NALF1: variants seen among roughly 807,000 people sequenced by gnomAD.
NALF1 encodes family with sequence similarity 155 member A.
In NALF1, 3 loss-of-function variants were observed where a neutral mutation model predicts 48.4. The ratio of observed to expected loss-of-function variants is 0.06; its 90% CI spans 0.03 to 0.16. NALF1 has a LOEUF of 0.16. Among genes scored for constraint, NALF1 ranks in the 10% least tolerant of loss-of-function variants. The probability of loss-of-function intolerance (pLI) is 1.00; values close to 1 mark genes in which losing one functional copy is unlikely to be tolerated. For missense variants in NALF1, 526 were observed against 571.5 expected, an observed-to-expected ratio of 0.92 and a Z score of 0.81; for synonymous variants, 262 against 245.7, an observed-to-expected ratio of 1.07 and a Z score of -0.62.
chr13:107,771,172 G>A (rs888291403), intron 1 of NALF1, among the ~76,000 whole-genome samples: 8 of 151,986 alleles, frequency 5.3e-5, no homozygotes, highest in African/African-American at 1.9e-4. Flanking sequence ...AAAATTAACA[G>A]AACTTTTAAA....
intron 1 of NALF1, among the ~76,000 whole-genome samples, chr13:107,820,003 A>G (rs1242289625): frequency 6.6e-6 from 1 of 152,192 alleles, no homozygotes; most frequent in African/African-American, 2.4e-5. Flanking sequence ...TCCTGAAGAC[A>G]AAGATTACAG....
chr13:107,502,678 T>C (rs979356172), intron 1 of NALF1, among the ~76,000 whole-genome samples: 3 of 152,174 alleles, frequency 2.0e-5, no homozygotes, highest in Admixed American at 6.5e-5. Flanking sequence ...AGATATTACA[T>C]ATTTTTTCAG....
chr13:107,809,752 C>T (rs1167080307), intron 1 of NALF1, among the ~76,000 whole-genome samples: 3 of 152,048 alleles, frequency 2.0e-5, no homozygotes, highest in Non-Finnish European at 2.9e-5. Flanking sequence ...CCAGATAGAA[C>T]GTTCACTATA....
At chr13:107,265,363 C>T (rs1437102195) in intron 1 of NALF1, among the ~76,000 whole-genome samples, 2 of 151,982 alleles carry the variant, frequency 1.3e-5, no homozygotes, top group Non-Finnish European at 2.9e-5. Context: ...ATTTAACTGC[C>T]AAATGTAAAG....
At chr13:107,734,371 G>A (rs1245742131) in intron 1 of NALF1, among the ~76,000 whole-genome samples, 1 of 139,160 alleles carries the variant, frequency 7.2e-6, no homozygotes, top group Non-Finnish European at 1.6e-5. Flanking sequence ...TTGCACTGAG[G>A]CAAGAGAAAA....
At chr13:107,747,203 G>A (rs1278410070) in intron 1 of NALF1, among the ~76,000 whole-genome samples, 1 of 152,148 alleles carries the variant, frequency 6.6e-6, no homozygotes, top group Non-Finnish European at 1.5e-5. Context: ...CTTGAGCCCT[G>A]TTTCCTTGCA....
chr13:107,813,218 T>C (rs1468825183), intron 1 of NALF1, among the ~76,000 whole-genome samples: 1 of 152,170 alleles, frequency 6.6e-6, no homozygotes, highest in African/African-American at 2.4e-5. Context: ...ATATGTGTCA[T>C]TTCCCCATAG....
At chr13:107,311,511 T>C (rs1026660901) in intron 1 of NALF1, among the ~76,000 whole-genome samples, 2 of 151,512 alleles carry the variant, frequency 1.3e-5, no homozygotes, top group Admixed American at 6.6e-5. Flanking sequence ...ACAAAAGGGT[T>C]TTCTTAACAC....
intron 1 of NALF1, among the ~76,000 whole-genome samples, chr13:107,766,351 T>C (rs1469933648): frequency 5.9e-5 from 9 of 152,118 alleles, no homozygotes; most frequent in Non-Finnish European, 1.3e-4. Flanking sequence ...AAATAACCGA[T>C]AACAATGTGC....
chr13:107,176,336 T>C (rs1878929031), intron 2 of NALF1, among the ~76,000 whole-genome samples: 1 of 149,024 alleles, frequency 6.7e-6, no homozygotes, highest in African/African-American at 2.5e-5. Context: ...TTTTTTTTTT[T>C]TTTGAGAATT....
chr13:107,575,263 C>A (rs887274532), intron 1 of NALF1, among the ~76,000 whole-genome samples: 5 of 152,132 alleles, frequency 3.3e-5, no homozygotes, highest in African/African-American at 1.2e-4. Context: ...AGAACAGAAT[C>A]TTAGACAAAG....
intron 1 of NALF1, among the ~76,000 whole-genome samples, chr13:107,751,070 A>C (rs185314902): frequency 3.1e-4 from 48 of 152,384 alleles, no homozygotes; most frequent in African/African-American, 1.1e-3. Context: ...GCTATTAAGC[A>C]TATTAAAGCA....
intron 1 of NALF1, among the ~76,000 whole-genome samples, chr13:107,752,324 C>T (rs1385825869): frequency 6.6e-6 from 1 of 151,932 alleles, no homozygotes; most frequent in Non-Finnish European, 1.5e-5. Flanking sequence ...CTCAGAATTC[C>T]TTTTTGAAAT....
chr13:107,177,996 G>A (rs1878973722), intron 2 of NALF1, among the ~76,000 whole-genome samples: 2 of 152,178 alleles, frequency 1.3e-5, no homozygotes, highest in Middle Eastern at 3.4e-3. Context: ...GCAGTGAGTC[G>A]AGATTGTGCC....
Position 107,236,663 on chromosome 13 carries a change from ATCTGTCTG to A in NALF1, c.916-25916_916-25909del, listed in dbSNP as rs199721704. Among the ~76,000 whole-genome samples, 4 of 138,136 alleles carry A rather than the reference ATCTGTCTG, an allele frequency of 2.9e-5. No homozygotes were observed. In the South Asian group the frequency reaches 7.3e-4, roughly 25 times the overall value. The allele number at this position is 138,136 out of a possible 152,430, so 90.6% of individuals were successfully genotyped here. ...TAATTATGGCACTATCTATCTATCC[ATCTGTCTG>A]TCTATCTATCTATCTATCTATCTAT... On this transcript the variant is annotated intron_variant, in intron 1 of 2. Coordinates refer to ENST00000375915, the MANE Select transcript of NALF1 (RefSeq NM_001080396.3).
chr13:107,732,958 G>A (rs189095013), intron 1 of NALF1, among the ~76,000 whole-genome samples: 3 of 152,246 alleles, frequency 2.0e-5, no homozygotes, highest in African/African-American at 4.8e-5. Flanking sequence ...TTCAGAAAAA[G>A]GTAAGAGGTT....
intron 1 of NALF1, among the ~76,000 whole-genome samples, chr13:107,598,246 AT>A (rs1878813009): frequency 6.6e-6 from 1 of 152,118 alleles, no homozygotes; most frequent in Non-Finnish European, 1.5e-5. Context: ...TTGAGCACCA[AT>A]CCCTCTTGGT....
intron 1 of NALF1, among the ~76,000 whole-genome samples, chr13:107,389,876 C>A (rs1298330302): frequency 6.6e-6 from 1 of 152,076 alleles, no homozygotes; most frequent in African/African-American, 2.4e-5. Context: ...ACAGTTACTG[C>A]AAAAAATTAA....
intron 1 of NALF1, among the ~76,000 whole-genome samples, chr13:107,510,627 T>C (rs571312607): frequency 6.6e-6 from 1 of 152,258 alleles, no homozygotes; most frequent in African/African-American, 2.4e-5. Context: ...ATCAAAATAG[T>C]TGAGAAAGTA....
Sources: gnomAD v4.1 joint callset for allele counts (sites outside exome capture counted in the v4.1 genomes callset) on GRCh38, gnomAD v4.1.1 for gene constraint, MANE v1.5 for transcripts, NCBI Gene and HGNC (gene_info 2026-07-23, HGNC 2026-07-21) for gene names.